The following ZSWIM6 variants were observed in gnomAD, a reference collection of about 807,000 sequenced individuals.
ZSWIM6 encodes the protein zinc finger SWIM-type containing 6.
ZSWIM6 carries 9 observed loss-of-function variants against 113.2 expected under a neutral mutation model. The ratio of observed to expected loss-of-function variants is 0.08; its 90% CI spans 0.05 to 0.14. The LOEUF is 0.14. Among genes scored for constraint, ZSWIM6 ranks in the 10% least tolerant of loss-of-function variants. The probability of loss-of-function intolerance (pLI) is 1.00; values close to 1 mark genes in which losing one functional copy is unlikely to be tolerated. For missense variants in ZSWIM6, 1,162 were observed against 1,552.2 expected (o/e 0.75, Z 4.22); for synonymous variants, 611 against 606.5 (o/e 1.01, Z -0.11).
chr5:61,525,704 G>T, intron 5 of ZSWIM6, 96 bp from the exon 6 acceptor site: 1 of 1,375,736 alleles, frequency 7.3e-7, no homozygotes, highest in Non-Finnish European at 1.0e-6. Flanking sequence ...AATGTGTGTG[G>T]GTGTGTTCAT....
chr5:61,384,474 A>G (rs1309308707), intron 1 of ZSWIM6, among the ~76,000 whole-genome samples: 2 of 152,178 alleles, frequency 1.3e-5, no homozygotes, highest in Non-Finnish European at 2.9e-5. Flanking sequence ...AGTTTCACAA[A>G]GGCTAAAACA....
chr5:61,523,155 A>G (rs1413720366), intron 5 of ZSWIM6, among the ~76,000 whole-genome samples: 1 of 152,210 alleles, frequency 6.6e-6, no homozygotes, highest in Non-Finnish European at 1.5e-5. Context: ...ATGCCTACAG[A>G]GGAGGTCTGG....
intron 3 of ZSWIM6, 48 bp from the exon 4 acceptor site, chr5:61,494,212 G>A (rs779895903): frequency 6.5e-7 from 1 of 1,538,432 alleles, no homozygotes; most frequent in Non-Finnish European, 8.8e-7. Context: ...GGGTTTTGTT[G>A]TGTTTTCGTT....
intron 1 of ZSWIM6, among the ~76,000 whole-genome samples, chr5:61,362,110 T>C (rs1194277757): frequency 6.6e-6 from 1 of 152,204 alleles, no homozygotes; most frequent in Non-Finnish European, 1.5e-5. Context: ...TAGCATCTTT[T>C]ACTGTCTTTA....
At chr5:61,453,379 T>TC (rs1317121330) in intron 1 of ZSWIM6, among the ~76,000 whole-genome samples, 17 of 54,270 alleles carry the variant, frequency 3.1e-4, no homozygotes, top group South Asian at 7.7e-4. Context: ...TCTCTCTCTC[T>TC]TTTTTTTTTT....
intron 7 of ZSWIM6, among the ~76,000 whole-genome samples, chr5:61,526,928 G>C (rs182755397): frequency 6.6e-6 from 1 of 152,232 alleles, no homozygotes; most frequent in East Asian, 1.9e-4. Context: ...AGCAAAGCTT[G>C]GCACAATGTG....
intron 4 of ZSWIM6, among the ~76,000 whole-genome samples, chr5:61,509,190 T>C (rs1165497213): frequency 6.6e-6 from 1 of 152,224 alleles, no homozygotes; most frequent in East Asian, 1.9e-4. Context: ...TAGAGTATTA[T>C]ACATTTTCAT....
chr5:61,539,489 T>C, intron 11 of ZSWIM6, 107 bp from the exon 12 acceptor site: 1 of 1,315,740 alleles, frequency 7.6e-7, no homozygotes. Flanking sequence ...TTGTTTTGTT[T>C]CTTTTTTCCC....
Position 61,543,339 on chromosome 5 carries a change from C to A in ZSWIM6, c.2786-116C>A. The A allele has an allele frequency of 7.9e-7, 1 of 1,259,028 alleles. No homozygotes were observed. Among genetic ancestry groups the A allele is most frequent in the Non-Finnish European group, 1.1e-6 (1 of 936,366 alleles). The allele number at this position is 1,259,028 out of a possible 1,614,324, so 78.0% of individuals were successfully genotyped here. ...ACATTACTTTACAGGATTTTCTAGCCTAGCTCATGTCCTATGATGGTTAAC... is the reference window on the plus strand; with the variant it reads ...ACATTACTTTACAGGATTTTCTAGCATAGCTCATGTCCTATGATGGTTAAC... On this transcript the variant is annotated intron_variant, in intron 13 of 13. Coordinates refer to ENST00000252744, the MANE Select transcript of ZSWIM6 (RefSeq NM_020928.2). The surrounding 1 kb of genome is among the most constrained non-coding windows in gnomAD (Gnocchi z 4.3).
At position 61,436,541 on chromosome 5, in the gene ZSWIM6, A is replaced by G. The variant is rs532462381; in HGVS notation, c.677-36140A>G. ...CACTACCAGCTTTTCTGGTCTGATG[A>G]TAGGTTCTGGCTACTTCCATGAATT... is the stretch of plus-strand genomic sequence containing the variant. On this transcript the variant is annotated intron_variant, in intron 1 of 13. Transcript: ENST00000252744. Among the ~76,000 whole-genome samples the G allele has an allele frequency of 1.1e-4, 16 of 152,270 alleles. No individual in the cohort carries two copies. In the South Asian group the frequency reaches 3.3e-3, roughly 32 times the overall value.
chr5:61,520,700 A>G (rs532629718), intron 4 of ZSWIM6, among the ~76,000 whole-genome samples: 1 of 152,310 alleles, frequency 6.6e-6, no homozygotes, highest in South Asian at 2.1e-4. Flanking sequence ...AATAAACATA[A>G]TAAAGTTTGA....
At position 61,530,061 on chromosome 5, in the gene ZSWIM6, A is replaced by G. The variant is rs1469456887; in HGVS notation, c.1847A>G (p.His616Arg). The G allele has an allele frequency of 7.1e-6, 11 of 1,550,810 alleles. No individual in the cohort carries two copies. The highest frequency in any genetic ancestry group is 1.4e-5 in the African/African-American group (1 of 73,000). ...MFRTQKKELP[H>R]KNITSITNLE... ...CCCTTTCCTTACACAGAGCTACCCC[A>G]TAAAAACATAACCTCGATAACCAAT... Residue 616 changes from histidine (H) to arginine (R), a missense_variant, in exon 8 of 14, where the codon CAT (histidine) becomes CGT (arginine). Transcript: ENST00000252744.
intron 2 of ZSWIM6, among the ~76,000 whole-genome samples, chr5:61,477,319 CT>C (rs936069178): frequency 3.7e-4 from 57 of 152,312 alleles, no homozygotes; most frequent in African/African-American, 1.3e-3. Context: ...TTACCCCTCA[CT>C]TCCCTGTCAT....
intron 1 of ZSWIM6, among the ~76,000 whole-genome samples, chr5:61,357,314 A>G (rs768477247): frequency 1.3e-4 from 20 of 152,176 alleles, no homozygotes; most frequent in Non-Finnish European, 2.4e-4. Flanking sequence ...TTAAAGCAGC[A>G]CGAAAATAAT....
At chr5:61,403,005 C>A (rs1330203669) in intron 1 of ZSWIM6, among the ~76,000 whole-genome samples, 1 of 152,162 alleles carries the variant, frequency 6.6e-6, no homozygotes, top group Admixed American at 6.5e-5. Context: ...GTGGTAAATG[C>A]ATGTATCTAA....
intron 1 of ZSWIM6, among the ~76,000 whole-genome samples, chr5:61,429,440 A>G (rs1250924146): frequency 6.6e-6 from 1 of 152,214 alleles, no homozygotes; most frequent in African/African-American, 2.4e-5. Context: ...ATTTAGGGGA[A>G]GGCCTTGGCA....
At chr5:61,492,051 G>A (rs969156206) in intron 3 of ZSWIM6, among the ~76,000 whole-genome samples, 4 of 151,998 alleles carry the variant, frequency 2.6e-5, no homozygotes, top group African/African-American at 7.2e-5. Flanking sequence ...TCATGCCTCC[G>A]TGTCAACAGT....
intron 1 of ZSWIM6, among the ~76,000 whole-genome samples, chr5:61,452,853 C>T (rs542410496): frequency 1.9e-4 from 29 of 152,242 alleles, no homozygotes; most frequent in African/African-American, 6.7e-4. Flanking sequence ...ATCATGTTTC[C>T]TTAGTTTTCT....
At chr5:61,474,502 C>G (rs1747657306) in intron 2 of ZSWIM6, among the ~76,000 whole-genome samples, 1 of 152,118 alleles carries the variant, frequency 6.6e-6, no homozygotes. Flanking sequence ...TCTAAAATAT[C>G]AATCCAACAC....
Sources: allele counts gnomAD v4.1 joint callset (sites outside exome capture counted in the v4.1 genomes callset), GRCh38; gene constraint gnomAD v4.1.1; non-coding constraint Gnocchi (gnomAD v3.1); transcripts MANE v1.5; gene names NCBI Gene and HGNC (gene_info 2026-07-23, HGNC 2026-07-21).